The following CRYBG1 variants were observed in gnomAD, a reference collection of about 807,000 sequenced individuals.
CRYBG1 encodes the protein beta/gamma crystallin domain-containing protein 1.
Under a neutral mutation model 189.2 loss-of-function variants are expected in CRYBG1, and 139 were observed. That is an observed-to-expected ratio of 0.73 (90% CI 0.64 to 0.85). The LOEUF (loss-of-function observed/expected upper bound fraction) is 0.85, where lower values mean the gene tolerates loss of function less well. Among genes scored for constraint, CRYBG1 ranks in the 40% least tolerant of loss-of-function variants. The pLI, the probability that CRYBG1 is intolerant of heterozygous loss-of-function variation, is 0.00. For missense variants in CRYBG1, 2,611 were observed against 2,675.8 expected (o/e 0.98, Z 0.53); for synonymous variants, 1,023 against 1,017.1 (o/e 1.01, Z -0.11).
chr6:106,385,168 C>A (rs1207638281), intron 1 of CRYBG1, among the ~76,000 whole-genome samples: 1 of 152,148 alleles, frequency 6.6e-6, no homozygotes, highest in Non-Finnish European at 1.5e-5. Context: ...GCTCTCATAA[C>A]AAAAACTCTG....
At chr6:106,556,450 T>C (rs1288425842) in intron 17 of CRYBG1, among the ~76,000 whole-genome samples, 1 of 152,242 alleles carries the variant, frequency 6.6e-6, no homozygotes, top group Non-Finnish European at 1.5e-5. Context: ...GTTGTTATTA[T>C]TGAAGAAATT....
intron 3 of CRYBG1, among the ~76,000 whole-genome samples, chr6:106,516,221 C>A (rs1474305482): frequency 6.8e-6 from 1 of 148,050 alleles, no homozygotes; most frequent in African/African-American, 2.5e-5. Flanking sequence ...CTTCTAGAAG[C>A]TCCTTAGGCC....
chr6:106,437,674 T>A (rs924998138), intron 1 of CRYBG1, among the ~76,000 whole-genome samples: 1 of 152,224 alleles, frequency 6.6e-6, no homozygotes, highest in Non-Finnish European at 1.5e-5. Context: ...TGGGCTCAAT[T>A]GATCCTCCTG....
intron 1 of CRYBG1, among the ~76,000 whole-genome samples, chr6:106,424,758 G>A (rs112990317): frequency 0.019 from 2,919 of 152,090 alleles, 92 homozygotes; most frequent in African/African-American, 0.066. Context: ...CAATGTTCCC[G>A]GCCTACCCAC....
chr6:106,377,621 T>TTATATATATATATATA (rs373644273), intron 1 of CRYBG1, among the ~76,000 whole-genome samples: 1,025 of 69,326 alleles, frequency 0.015, 79 homozygotes, highest in African/African-American at 0.034. Context: ...TCCTAAGGTT[T>TTATATATATATATATA]TATATATATA....
intron 1 of CRYBG1, among the ~76,000 whole-genome samples, chr6:106,448,610 A>G (rs1300070546): frequency 6.6e-6 from 1 of 152,232 alleles, no homozygotes; most frequent in Non-Finnish European, 1.5e-5. Flanking sequence ...CTGGTAGCTC[A>G]AATTCCATCT....
intron 4 of CRYBG1, among the ~76,000 whole-genome samples, chr6:106,523,095 G>A (rs752403358): frequency 1.3e-4 from 20 of 152,178 alleles, no homozygotes; most frequent in Non-Finnish European, 2.4e-4. Context: ...ACATCATGGA[G>A]CCTTGTACTC....
chr6:106,490,189 G>A (rs1772688140), intron 2 of CRYBG1, among the ~76,000 whole-genome samples: 2 of 152,330 alleles, frequency 1.3e-5, no homozygotes, highest in African/African-American at 2.4e-5. Context: ...CTTCTTAAAA[G>A]AGCCAGGAGA....
intron 1 of CRYBG1, among the ~76,000 whole-genome samples, chr6:106,380,478 C>T (rs544608733): frequency 1.3e-5 from 2 of 152,206 alleles, no homozygotes; most frequent in Admixed American, 6.5e-5. Context: ...AATGGGTTGG[C>T]ACAGAGAGGA....
Position 106,502,041 on chromosome 6 carries a change from C to T in CRYBG1, c.313-9389C>T, listed in dbSNP as rs992826355. 2.0e-5 allele frequency among the ~76,000 whole-genome samples: 3 copies of T among 152,144 alleles called. No homozygotes were observed. In the South Asian group the frequency reaches 6.2e-4, roughly 32 times the overall value. ...CATTTCTCTTCTGGGTCCCAGTCAG[C>T]CCCAGGGCCTCTGACTTGGCTGTAG... On this transcript the variant is annotated intron_variant, in intron 2 of 21. Coordinates refer to ENST00000633556, the MANE Select transcript of CRYBG1 (RefSeq NM_001371242.2).
At chr6:106,382,319 G>T in intron 1 of CRYBG1, among the ~76,000 whole-genome samples, 1 of 152,142 alleles carries the variant, frequency 6.6e-6, no homozygotes, top group East Asian at 1.9e-4. Context: ...TTTATTTTGT[G>T]GAAATTCTTC....
At chr6:106,406,625 G>C (rs879174171) in intron 1 of CRYBG1, among the ~76,000 whole-genome samples, 1 of 152,124 alleles carries the variant, frequency 6.6e-6, no homozygotes, top group African/African-American at 2.4e-5. Context: ...AAATGTTAAG[G>C]GCAGCCAGAG....
chr6:106,495,365 A>G (rs1772822910), intron 2 of CRYBG1, among the ~76,000 whole-genome samples: 1 of 152,202 alleles, frequency 6.6e-6, no homozygotes, highest in Non-Finnish European at 1.5e-5. Flanking sequence ...TTTACTTCCC[A>G]TATTCTCTTG....
intron 2 of CRYBG1, among the ~76,000 whole-genome samples, chr6:106,463,331 C>T (rs1772051930): frequency 6.6e-6 from 1 of 151,254 alleles, no homozygotes; most frequent in South Asian, 2.1e-4. Context: ...GCTTGTTTTT[C>T]CTTCTCTTCT....
Position 106,403,355 on chromosome 6 carries a change from G to T in CRYBG1, c.173+42274G>T, listed in dbSNP as rs143429041. Among the ~76,000 whole-genome samples the T allele has an allele frequency of 6.3e-3, 951 of 151,606 alleles. 5 individuals are homozygous for T. Among genetic ancestry groups the T allele is most frequent in the Middle Eastern group, 0.017 (5 of 294 alleles). ...GTAAAAATAAATAAACAAATAAAAG[G>T]TTCACTTGTGACTGGAACACAGAGA... On this transcript the variant is annotated intron_variant, in intron 1 of 21. Coordinates refer to ENST00000633556, the MANE Select transcript of CRYBG1 (RefSeq NM_001371242.2).
At chr6:106,471,962 T>G (rs1772242292) in intron 2 of CRYBG1, among the ~76,000 whole-genome samples, 2 of 152,210 alleles carry the variant, frequency 1.3e-5, no homozygotes. Flanking sequence ...TTCAACAGAT[T>G]GAGCTGACCA....
chr6:106,399,658 C>CTTTTTTT (rs34726734), intron 1 of CRYBG1, among the ~76,000 whole-genome samples: 1 of 140,316 alleles, frequency 7.1e-6, no homozygotes, highest in African/African-American at 2.6e-5. Flanking sequence ...GTTTTTCTTT[C>CTTTTTTT]TTTTTTTTTT....
intron 2 of CRYBG1, among the ~76,000 whole-genome samples, chr6:106,475,721 A>T (rs1174562253): frequency 6.6e-6 from 1 of 152,244 alleles, no homozygotes; most frequent in Non-Finnish European, 1.5e-5. Flanking sequence ...TATCTGAGAT[A>T]CAGATGGTAG....
intron 1 of CRYBG1, among the ~76,000 whole-genome samples, chr6:106,417,887 G>T (rs573960958): frequency 6.6e-6 from 1 of 152,260 alleles, no homozygotes; most frequent in African/African-American, 2.4e-5. Context: ...GTGTGCTAAT[G>T]AGCTCTTTTA....
Sources: gnomAD v4.1 joint callset for allele counts (sites outside exome capture counted in the v4.1 genomes callset) on GRCh38, gnomAD v4.1.1 for gene constraint, MANE v1.5 for transcripts, NCBI Gene and HGNC (gene_info 2026-07-23, HGNC 2026-07-21) for gene names.